Variants in POU2AF2 observed in about 807,000 individuals in gnomAD.
POU2AF2 encodes POU class 2 homeobox associating factor 2.
At chr11:111,265,949 C>T in the POU2AF2 span, among the ~76,000 whole-genome samples, 3 of 151,908 alleles carry the variant, frequency 2.0e-5, no homozygotes, top group Non-Finnish European at 4.4e-5. Context: ...TTCTTCCAGT[C>T]GAGATGGCTA....
the POU2AF2 span, among the ~76,000 whole-genome samples, chr11:111,267,293 C>T: frequency 1.3e-5 from 2 of 152,172 alleles, no homozygotes; most frequent in Admixed American, 1.3e-4. Context: ...CTTGGTCATT[C>T]TCCACCACTC....
chr11:111,258,182 G>A, the POU2AF2 span, among the ~76,000 whole-genome samples: 1 of 152,178 alleles, frequency 6.6e-6, no homozygotes, highest in African/African-American at 2.4e-5. Context: ...GAGAGAGAGA[G>A]AGAAGGAATT....
the POU2AF2 span, chr11:111,285,880 G>A: frequency 2.3e-5 from 37 of 1,610,698 alleles, no homozygotes; most frequent in South Asian, 2.0e-4. Flanking sequence ...ACCCTACCCC[G>A]CCTCCTTACC....
At chr11:111,264,299 C>T in the POU2AF2 span, among the ~76,000 whole-genome samples, 242 of 152,072 alleles carry the variant, frequency 1.6e-3, no homozygotes, top group Non-Finnish European at 2.7e-3. Context: ...AGTTTGACAC[C>T]AGCCTGGCCA....
the POU2AF2 span, among the ~76,000 whole-genome samples, chr11:111,281,832 T>C: frequency 3.9e-5 from 6 of 152,242 alleles, no homozygotes; most frequent in Admixed American, 2.6e-4. Flanking sequence ...TCAATGCCTA[T>C]GTCTCATTAA....
chr11:111,275,689 A>G, the POU2AF2 span, among the ~76,000 whole-genome samples: 1 of 152,342 alleles, frequency 6.6e-6, no homozygotes, highest in South Asian at 2.1e-4. Flanking sequence ...AACAATAGAC[A>G]ATAAATTTAA....
At chr11:111,271,794 C>T in the POU2AF2 span, among the ~76,000 whole-genome samples, 1 of 152,124 alleles carries the variant, frequency 6.6e-6, no homozygotes, top group Non-Finnish European at 1.5e-5. Context: ...GGGTGGATCA[C>T]CTGGGGTCAG....
At chr11:111,279,746 G>A in the POU2AF2 span, among the ~76,000 whole-genome samples, 8 of 152,004 alleles carry the variant, frequency 5.3e-5, no homozygotes, top group Non-Finnish European at 1.0e-4. Flanking sequence ...AGGTATCAGG[G>A]ATTAAGGTAT....
chr11:111,264,566 AAGAAAGAAAGGG>A, the POU2AF2 span, among the ~76,000 whole-genome samples: 37 of 39,154 alleles, frequency 9.4e-4, 2 homozygotes, highest in African/African-American at 3.6e-3. Context: ...GAAAGAAAGA[AAGAAAGAAAGGG>A]AGAGAGAAAG....
the POU2AF2 span, among the ~76,000 whole-genome samples, chr11:111,265,516 T>A: frequency 6.6e-6 from 1 of 152,166 alleles, no homozygotes; most frequent in African/African-American, 2.4e-5. Flanking sequence ...CTCAGTTTCC[T>A]CCTATGTAAA....
the POU2AF2 span, among the ~76,000 whole-genome samples, chr11:111,273,803 T>C: frequency 4.6e-5 from 7 of 152,204 alleles, 1 homozygote; most frequent in Admixed American, 3.3e-4. Flanking sequence ...CTCATTTTCA[T>C]GGAGGGGCTT....
chr11:111,245,940 A>G, the POU2AF2 span: 1 of 397,720 alleles, frequency 2.5e-6, no homozygotes, highest in Non-Finnish European at 4.4e-6. Flanking sequence ...AAGTCATAAC[A>G]TAAAACAAAG....
At chr11:111,254,176 A>C in the POU2AF2 span, among the ~76,000 whole-genome samples, 1 of 152,208 alleles carries the variant, frequency 6.6e-6, no homozygotes, top group Non-Finnish European at 1.5e-5. Context: ...AGCATCACAC[A>C]CAATTCTAGA....
At chr11:111,270,620 A>T in the POU2AF2 span, among the ~76,000 whole-genome samples, 1 of 152,344 alleles carries the variant, frequency 6.6e-6, no homozygotes, top group South Asian at 2.1e-4. Flanking sequence ...AAATTAAGTC[A>T]TATAAAAAGT....
At chr11:111,266,829 A>T in the POU2AF2 span, among the ~76,000 whole-genome samples, 2 of 152,206 alleles carry the variant, frequency 1.3e-5, no homozygotes, top group Non-Finnish European at 2.9e-5. Context: ...AGTGAGGCTT[A>T]GATTTGGAAC....
the POU2AF2 span, chr11:111,285,900 C>T: frequency 2.5e-6 from 4 of 1,613,666 alleles, no homozygotes; most frequent in Non-Finnish European, 3.4e-6. Flanking sequence ...CCCTTCACCC[C>T]TTTCATGACG....
the POU2AF2 span, among the ~76,000 whole-genome samples, chr11:111,280,078 A>ATATATATATATATATATATATATC: frequency 7.7e-6 from 1 of 129,638 alleles, no homozygotes; most frequent in African/African-American, 2.7e-5. Flanking sequence ...ATATATATAT[A>ATATATATATATATATATATATATC]TATCTTTTGG....
the POU2AF2 span, among the ~76,000 whole-genome samples, chr11:111,248,230 G>A: frequency 2.0e-5 from 3 of 152,044 alleles, no homozygotes; most frequent in African/African-American, 4.8e-5. Context: ...GTTCCTAGTG[G>A]GCGTAAGGCT....
At chr11:111,265,148 C>T in the POU2AF2 span, among the ~76,000 whole-genome samples, 3 of 152,042 alleles carry the variant, frequency 2.0e-5, no homozygotes, top group African/African-American at 7.2e-5. Flanking sequence ...TGACGTGCAG[C>T]GGATGAACCA....
Sources: gnomAD v4.1 joint callset for allele counts (sites outside exome capture counted in the v4.1 genomes callset) on GRCh38, gnomAD v4.1.1 for gene constraint, MANE v1.5 for transcripts, NCBI Gene and HGNC (gene_info 2026-07-23, HGNC 2026-07-21) for gene names.